The following DIAPH2 variants were observed in gnomAD, a reference collection of about 807,000 sequenced individuals.
DIAPH2 encodes protein diaphanous homolog 2.
In DIAPH2, 35 loss-of-function variants were observed where a neutral mutation model predicts 92.7. The observed-to-expected ratio is 0.38, with a 90% CI of 0.29 to 0.50. The LOEUF (loss-of-function observed/expected upper bound fraction) is 0.50, where lower values mean the gene tolerates loss of function less well. DIAPH2 is among the 20% of genes least tolerant of loss of function. The pLI is 0.94. For missense variants in DIAPH2, 701 were observed against 819.5 expected (o/e 0.86, Z 1.77); for synonymous variants, 301 against 280.4 (o/e 1.07, Z -0.73).
At chrX:96,880,279 A>T (rs2147744661) in intron 4 of DIAPH2, among the ~76,000 whole-genome samples, 1 of 111,737 alleles carries the variant, frequency 8.9e-6, no homozygotes, top group South Asian at 3.8e-4. Context: ...CCTCTACCAC[A>T]ATATTTTAAG....
chrX:97,269,294 G>A (rs183400826), intron 23 of DIAPH2, among the ~76,000 whole-genome samples: 156 of 111,763 alleles, frequency 1.4e-3, no homozygotes, highest in Non-Finnish European at 2.7e-3. Flanking sequence ...GCACAAGTGA[G>A]GTATGCAAAA....
At chrX:97,384,211 C>T (rs2069578237) in intron 25 of DIAPH2, among the ~76,000 whole-genome samples, 167 bp downstream of exon 25, 1 of 111,854 alleles carries the variant, frequency 8.9e-6, no homozygotes, top group Non-Finnish European at 1.9e-5. Flanking sequence ...TCTCCCTACG[C>T]TGAGCATTCA....
At chrX:96,700,488 A>G (rs969057886) in intron 1 of DIAPH2, among the ~76,000 whole-genome samples, 18 of 112,489 alleles carry the variant, frequency 1.6e-4, no homozygotes, top group Non-Finnish European at 3.0e-4. Flanking sequence ...ATGCAGATGC[A>G]GATGATGCCA....
intron 17 of DIAPH2, among the ~76,000 whole-genome samples, chrX:97,050,912 TG>T: frequency 8.9e-6 from 1 of 112,098 alleles, no homozygotes. Context: ...GGAGTGAAGG[TG>T]GTAACATTGT....
Position 97,139,325 on chromosome X carries a change from A to T in DIAPH2, c.2590-2340A>T, listed in dbSNP as rs903301529. Among the ~76,000 whole-genome samples the T allele has an allele frequency of 8.4e-5, 9 of 107,220 alleles. No individual in the cohort carries two copies. The Admixed American group carries it at 9.2e-4, about 11-fold the overall frequency. 93.1% of individuals were successfully genotyped at this position (107,220 alleles called of 115,157 possible). A position where few individuals can be genotyped will look rare whatever the true frequency, so the allele number is the denominator to read the frequency against. On this transcript the variant is annotated intron_variant, in intron 21 of 26. Transcript: ENST00000324765. ...ATATTTTCCATTATATTTTAATATT[A>T]TATATATATATATTTTAAATAATTG...
At chrX:97,048,261 A>T (rs1177339329) in intron 17 of DIAPH2, among the ~76,000 whole-genome samples, 1 of 108,519 alleles carries the variant, frequency 9.2e-6, no homozygotes, top group African/African-American at 3.4e-5. Context: ...CTCCATCTCT[A>T]TTTCTTCTTC....
chrX:97,352,704 C>A (rs935864015), intron 24 of DIAPH2, among the ~76,000 whole-genome samples: 2 of 106,451 alleles, frequency 1.9e-5, no homozygotes, highest in South Asian at 8.4e-4. Flanking sequence ...CCCGTCTCTA[C>A]TAAAAATACA....
At chrX:97,012,123 A>G (rs912371537) in intron 17 of DIAPH2, among the ~76,000 whole-genome samples, 2 of 110,940 alleles carry the variant, frequency 1.8e-5, no homozygotes, top group African/African-American at 6.6e-5. Flanking sequence ...GTAGGTTAAG[A>G]TTCTACAGGA....
chrX:97,238,612 A>C (rs1260498111), intron 22 of DIAPH2, among the ~76,000 whole-genome samples: 3 of 103,886 alleles, frequency 2.9e-5, no homozygotes, highest in African/African-American at 1.1e-4. Flanking sequence ...ATTTTCTCAC[A>C]TTTTTCTTCA....
chrX:97,600,400 AAG>A lies in DIAPH2; in HGVS notation c.*1085_*1086del, dbSNP rs1051894526. On this transcript the variant is annotated 3_prime_UTR_variant, in exon 27 of 27. Coordinates refer to ENST00000324765, the MANE Select transcript of DIAPH2 (RefSeq NM_006729.5). ...TCACTTTGGTGGTCTGAAGAAGAAAAAGAAATTTTATGTATGTATGTGTAAAT... is the reference window on the plus strand; with the variant it reads ...TCACTTTGGTGGTCTGAAGAAGAAAAAAATTTTATGTATGTATGTGTAAAT... 3.6e-5 allele frequency: 4 copies of A among 111,685 alleles called. No individual in the cohort carries two copies. The highest frequency in any genetic ancestry group is 5.6e-5 in the Non-Finnish European group (3 of 53,113). The allele number at this position is 111,685 out of a possible 1,213,427, so 9.2% of individuals were successfully genotyped here.
At chrX:96,685,458 G>A (rs947497236) in intron 1 of DIAPH2, among the ~76,000 whole-genome samples, 8 of 112,911 alleles carry the variant, frequency 7.1e-5, no homozygotes, top group African/African-American at 2.2e-4. Flanking sequence ...CCCCAACTTG[G>A]GGACACCCCG....
chrX:97,275,274 C>T (rs1322324827), intron 23 of DIAPH2, among the ~76,000 whole-genome samples: 2 of 97,929 alleles, frequency 2.0e-5, no homozygotes, highest in African/African-American at 8.0e-5. Flanking sequence ...GCAGGGGCTG[C>T]CCCCCCAACC....
intron 17 of DIAPH2, among the ~76,000 whole-genome samples, chrX:96,981,751 A>G (rs757367038): frequency 1.7e-4 from 19 of 111,746 alleles, no homozygotes; most frequent in Non-Finnish European, 3.0e-4. Context: ...AATTGAATGT[A>G]TTAGCACAAT....
chrX:96,914,007 TACA>T (rs777717048), intron 7 of DIAPH2, among the ~76,000 whole-genome samples: 57 of 110,881 alleles, frequency 5.1e-4, no homozygotes, highest in Non-Finnish European at 8.7e-4. Context: ...TAGAAATAAT[TACA>T]ACAACAAGTA....
intron 26 of DIAPH2, among the ~76,000 whole-genome samples, chrX:97,461,668 T>C (rs2070459759): frequency 9.0e-6 from 1 of 111,393 alleles, no homozygotes; most frequent in Non-Finnish European, 1.9e-5. Context: ...CCTTTAGTTA[T>C]GGGGATTTTG....
At chrX:96,899,875 A>T (rs1312338465) in intron 5 of DIAPH2, among the ~76,000 whole-genome samples, 1 of 111,066 alleles carries the variant, frequency 9.0e-6, no homozygotes, top group African/African-American at 3.3e-5. Flanking sequence ...TGTCATAGAT[A>T]GCTCTTATTG....
chrX:97,084,832 A>G (rs926590621), intron 19 of DIAPH2, among the ~76,000 whole-genome samples: 11 of 111,846 alleles, frequency 9.8e-5, no homozygotes, highest in Admixed American at 3.8e-4. Flanking sequence ...CCAGAATGCC[A>G]TCAAAACCTT....
intron 4 of DIAPH2, among the ~76,000 whole-genome samples, chrX:96,845,703 A>G (rs1280729713): frequency 8.9e-6 from 1 of 112,540 alleles, no homozygotes; most frequent in East Asian, 2.8e-4. Context: ...TTTACGTTTA[A>G]CCTTTGTAAT....
chrX:97,372,817 T>C (rs2069460728), intron 24 of DIAPH2, among the ~76,000 whole-genome samples: 1 of 109,515 alleles, frequency 9.1e-6, no homozygotes, highest in African/African-American at 3.3e-5. Context: ...CTAAAAAAAA[T>C]ACAAAAAAAA....
Sources: allele counts gnomAD v4.1 joint callset (sites outside exome capture counted in the v4.1 genomes callset), GRCh38; gene constraint gnomAD v4.1.1; transcripts MANE v1.5; gene names NCBI Gene and HGNC (gene_info 2026-07-23, HGNC 2026-07-21).